Variants in MAP3K15 observed in about 807,000 individuals in gnomAD.
MAP3K15 encodes the protein mitogen-activated protein kinase kinase kinase 15.
Under a neutral mutation model 99.5 loss-of-function variants are expected in MAP3K15, and 124 were observed. The ratio of observed to expected loss-of-function variants is 1.25; its 90% confidence interval spans 1.08 to 1.45. MAP3K15 has a LOEUF of 1.45. Ranked by LOEUF, MAP3K15 falls within the 40% of genes most tolerant of loss-of-function variation. The pLI is 0.00. For missense variants in MAP3K15, 1,242 were observed against 1,079.7 expected (o/e 1.15, Z -2.11); for synonymous variants, 494 against 439.6 (o/e 1.12, Z -1.55).
rs2147301331 is a variant in MAP3K15 at position 19,425,551 on chromosome X, G to C, written c.1419C>G (p.Phe473Leu). 1.7e-6 allele frequency: 2 copies of C among 1,197,768 alleles called. No individual in the cohort carries two copies. The highest frequency in any genetic ancestry group is 2.2e-5 in the Admixed American group (1 of 45,729). ...GKAVQAAERLFKLKPPVWYLR... is the reference protein window; with the variant it reads ...GKAVQAAERLLKLKPPVWYLR... ...CTCACCAGACTGGAGGTTTCAGTTT[G>C]AACAACCTCTCTGCTGCCTGGACGG... Residue 473 changes from phenylalanine (F) to leucine (L), a missense_variant, in exon 9 of 29, where the codon TTC becomes TTG. By Grantham distance (22) the Phe-to-Leu change is conservative. Transcript: ENST00000338883.
intron 18 of MAP3K15, 57 bp downstream of exon 18, chrX:19,391,945 T>A (rs2063530829): frequency 1.2e-6 from 1 of 868,946 alleles, no homozygotes; most frequent in Admixed American, 2.3e-5. Flanking sequence ...AACCGCAGCT[T>A]GTGCAGAAAG....
intron 19 of MAP3K15, among the ~76,000 whole-genome samples, chrX:19,377,268 T>C (rs16981127): frequency 0.21 from 23,053 of 112,329 alleles, 4,401 homozygotes; most frequent in African/African-American, 0.62. Flanking sequence ...AAACCCTTCA[T>C]ACAGGCGGGG....
intron 6 of MAP3K15, among the ~76,000 whole-genome samples, chrX:19,440,128 G>A (rs2063949148): frequency 8.9e-6 from 1 of 111,741 alleles, no homozygotes. Flanking sequence ...TGTTCCAGGT[G>A]ATCCTGGCAC....
At position 19,486,450 on chromosome X, in the gene MAP3K15, A is replaced by G; in HGVS notation, c.525+32T>C. On this transcript the variant is annotated intron_variant, in intron 3 of 28. Transcript: ENST00000338883. ...CAAATTGACATTTACATTTAATTTC[A>G]GAATTAAAATTCTGAAAATGTTAAT... The G allele has an allele frequency of 1.1e-5, 8 of 706,638 alleles. 1 individual carries two copies. Among genetic ancestry groups the G allele is most frequent in the Middle Eastern group, 6.3e-4 (2 of 3,168 alleles). The allele number at this position is 706,638 out of a possible 1,213,427, so 58.2% of individuals were successfully genotyped here.
At chrX:19,398,463 A>C in intron 14 of MAP3K15, 104 bp from the exon 15 acceptor site, 1 of 894,564 alleles carries the variant, frequency 1.1e-6, no homozygotes, top group Non-Finnish European at 1.6e-6. Context: ...TATAAATAAC[A>C]TTATTTGACT....
chrX:19,452,013 C>G (rs1263633663), intron 6 of MAP3K15, among the ~76,000 whole-genome samples: 2 of 98,773 alleles, frequency 2.0e-5, no homozygotes, highest in Non-Finnish European at 3.9e-5. Flanking sequence ...GAGCCAAGAT[C>G]ATGCCACTGC....
At chrX:19,496,938 T>C (rs1460057160) in intron 1 of MAP3K15, 1 of 110,992 alleles carries the variant, frequency 9.0e-6, no homozygotes, top group East Asian at 2.8e-4. Flanking sequence ...GACTCATTGC[T>C]AGATACAGGG....
chrX:19,411,566 T>C (rs1209818522), intron 11 of MAP3K15, among the ~76,000 whole-genome samples: 1 of 111,570 alleles, frequency 9.0e-6, no homozygotes, highest in Admixed American at 9.5e-5. Context: ...TGAAAAGTGT[T>C]ATGAAGACAA....
chrX:19,494,512 C>T (rs1175859492), intron 1 of MAP3K15, among the ~76,000 whole-genome samples: 1 of 111,887 alleles, frequency 8.9e-6, no homozygotes, highest in Non-Finnish European at 1.9e-5. Context: ...AACTTTTGAA[C>T]ACTATCTTGA....
chrX:19,432,442 C>T (rs1158818756), intron 6 of MAP3K15, among the ~76,000 whole-genome samples: 1 of 108,178 alleles, frequency 9.2e-6, no homozygotes, highest in Non-Finnish European at 1.9e-5. Context: ...GTAGTCCCAG[C>T]TACTTGGGAG....
intron 3 of MAP3K15, among the ~76,000 whole-genome samples, chrX:19,478,257 T>C (rs1448785154): frequency 1.4e-4 from 12 of 86,060 alleles, no homozygotes; most frequent in African/African-American, 5.7e-4. Flanking sequence ...TAATTCATGT[T>C]CTGTGAGTAA....
At chrX:19,501,923 G>A (rs977682237) in intron 1 of MAP3K15, among the ~76,000 whole-genome samples, 1 of 111,502 alleles carries the variant, frequency 9.0e-6, no homozygotes, top group Non-Finnish European at 1.9e-5. Flanking sequence ...AAAATTAGCC[G>A]GGCAAGGTGG....
intron 1 of MAP3K15, among the ~76,000 whole-genome samples, chrX:19,494,764 A>G (rs2064389608): frequency 9.1e-6 from 1 of 110,392 alleles, no homozygotes; most frequent in African/African-American, 3.3e-5. Flanking sequence ...AGTAAGTAAG[A>G]CTGGCTTTGT....
At chrX:19,469,132 C>T (rs1374973800) in intron 3 of MAP3K15, among the ~76,000 whole-genome samples, 6 of 111,468 alleles carry the variant, frequency 5.4e-5, no homozygotes, top group South Asian at 3.8e-4. Context: ...AGGCATCACG[C>T]TACCTGACTT....
In MAP3K15 at chrX:19,515,325, A is replaced by G; in HGVS notation, c.-64T>C. On this transcript the variant is annotated 5_prime_UTR_variant, in exon 1 of 29. Transcript: ENST00000338883. ...GCGGCTGCGATCCGCTAGGAGGCACAAGTTACAGCAGCCGCGCAGGCGGTC... is the reference window on the plus strand; with the variant it reads ...GCGGCTGCGATCCGCTAGGAGGCACGAGTTACAGCAGCCGCGCAGGCGGTC... 2 of 722,887 alleles carry G rather than the reference A, an allele frequency of 2.8e-6. No homozygotes were observed. The highest frequency in any genetic ancestry group is 1.5e-4 in the South Asian group (2 of 13,462). The allele number at this position is 722,887 out of a possible 1,213,427, so 59.6% of individuals were successfully genotyped here.
At chrX:19,498,723 C>T (rs1368976590) in intron 1 of MAP3K15, among the ~76,000 whole-genome samples, 1 of 112,063 alleles carries the variant, frequency 8.9e-6, no homozygotes, top group African/African-American at 3.2e-5. Context: ...CATCGTGGGG[C>T]AAGACTGGCA....
At chrX:19,484,128 G>C (rs940477367) in intron 3 of MAP3K15, among the ~76,000 whole-genome samples, 2 of 111,745 alleles carry the variant, frequency 1.8e-5, no homozygotes, top group Non-Finnish European at 3.8e-5. Context: ...CCAACCCCCG[G>C]GGCCATGGAC....
chrX:19,401,833 G>T (rs1382930906), intron 13 of MAP3K15, among the ~76,000 whole-genome samples: 2 of 112,130 alleles, frequency 1.8e-5, no homozygotes, highest in Non-Finnish European at 3.8e-5. Context: ...TGTCAAGGAG[G>T]AATACTGTAC....
chrX:19,438,626 C>A (rs1241251592), intron 6 of MAP3K15, among the ~76,000 whole-genome samples: 1 of 111,934 alleles, frequency 8.9e-6, no homozygotes, highest in Non-Finnish European at 1.9e-5. Context: ...TTGCCATCAA[C>A]CATCCTGTCT....
Sources: gnomAD v4.1 joint callset for allele counts (sites outside exome capture counted in the v4.1 genomes callset) on GRCh38, gnomAD v4.1.1 for gene constraint, MANE v1.5 for transcripts, NCBI Gene and HGNC (gene_info 2026-07-23, HGNC 2026-07-21) for gene names.